Variants in R3HDM2 observed in about 807,000 individuals in gnomAD.
R3HDM2 encodes the protein R3H domain containing 2.
R3HDM2 carries 38 observed loss-of-function variants against 124.5 expected under a neutral mutation model. The observed-to-expected ratio is 0.31, with a 90% CI of 0.24 to 0.40. The LOEUF is 0.40. Among genes scored for constraint, R3HDM2 ranks in the 10% least tolerant of loss-of-function variants. The pLI, the probability that R3HDM2 is intolerant of heterozygous loss-of-function variation, is 1.00. For synonymous variants in R3HDM2, 391 were observed against 448.0 expected, an observed-to-expected ratio of 0.87 and a Z score of 1.61; for missense variants, 869 against 1,236.9, an observed-to-expected ratio of 0.70 and a Z score of 4.46.
intron 1 of R3HDM2, among the ~76,000 whole-genome samples, chr12:57,406,363 A>G (rs1054200534): frequency 2.0e-5 from 3 of 151,942 alleles, no homozygotes; most frequent in Non-Finnish European, 4.4e-5. Flanking sequence ...TAAACACATT[A>G]AATATATTTA....
Position 57,280,346 on chromosome 12 carries a change from G to A in R3HDM2, c.1344+12C>T. 2 of 1,610,478 alleles carry A rather than the reference G, an allele frequency of 1.2e-6. No homozygotes were observed. Among genetic ancestry groups the A allele is most frequent in the East Asian group, 4.5e-5 (2 of 44,832 alleles). On this transcript the variant is annotated intron_variant, in intron 14 of 23. Transcript: ENST00000402412. ...AGAGTGGAGAGGACTCTGACACTGA[G>A]TGGTGACTCACCTGTGAGATCATGT...
At chr12:57,268,080 A>G in intron 18 of R3HDM2, 1 of 372,056 alleles carries the variant, frequency 2.7e-6, no homozygotes, top group Non-Finnish European at 4.7e-6. Context: ...ATCATAAATT[A>G]TAAGTCTCTG....
At chr12:57,379,522 G>A (rs1369681532) in intron 2 of R3HDM2, among the ~76,000 whole-genome samples, 1 of 151,962 alleles carries the variant, frequency 6.6e-6, no homozygotes, top group Non-Finnish European at 1.5e-5. Flanking sequence ...GGAGGTTGTG[G>A]TGAGCTGAGA....
At chr12:57,268,824 T>G in intron 17 of R3HDM2, 98 bp downstream of exon 17, 3 of 1,390,904 alleles carry the variant, frequency 2.2e-6, no homozygotes, top group South Asian at 1.4e-5. Flanking sequence ...TAGACACTAT[T>G]TTAGTATTGG....
At chr12:57,422,093 CAAA>C (rs35439340) in intron 1 of R3HDM2, among the ~76,000 whole-genome samples, 20 of 74,358 alleles carry the variant, frequency 2.7e-4, no homozygotes, top group East Asian at 4.6e-4. Flanking sequence ...CTCCGCCTAG[CAAA>C]AAAAAAAAAA....
At chr12:57,356,584 G>C (rs1166546221) in intron 2 of R3HDM2, among the ~76,000 whole-genome samples, 2 of 152,286 alleles carry the variant, frequency 1.3e-5, no homozygotes, top group South Asian at 2.1e-4. Flanking sequence ...ATCAGAGTAA[G>C]GTTGGGCTCA....
chr12:57,368,086 T>C (rs1392959265), intron 2 of R3HDM2, among the ~76,000 whole-genome samples: 3 of 152,066 alleles, frequency 2.0e-5, no homozygotes, highest in Admixed American at 1.3e-4. Context: ...AGCTCACATA[T>C]GTTGGTAATC....
In R3HDM2 at chr12:57,295,560, A is replaced by T. The variant is rs980996697; in HGVS notation, c.702-53T>A. The T allele has an allele frequency of 6.9e-6, 9 of 1,304,482 alleles. No homozygotes were observed. The South Asian group carries it at 1.1e-4, about 17-fold the overall frequency. The allele number at this position is 1,304,482 out of a possible 1,614,324, so 80.8% of individuals were successfully genotyped here. The stretch of plus-strand genomic sequence containing the variant: ...AAAGGAGGACAAAGACCGTTTTGTT[A>T]GGAAGCAGACCTATTAGGTACAGCT... On this transcript the variant is annotated intron_variant, in intron 9 of 23. Transcript: ENST00000402412.
At chr12:57,355,264 T>G (rs1325720829) in intron 2 of R3HDM2, among the ~76,000 whole-genome samples, 1 of 151,236 alleles carries the variant, frequency 6.6e-6, no homozygotes, top group Non-Finnish European at 1.5e-5. Context: ...GAGACCATCC[T>G]GGCTAACACG....
chr12:57,350,167 G>A (rs927550585), intron 2 of R3HDM2, among the ~76,000 whole-genome samples: 2 of 151,950 alleles, frequency 1.3e-5, no homozygotes, highest in East Asian at 1.9e-4. Context: ...CCGAGATCGC[G>A]CCACTGCACA....
At chr12:57,325,441 C>T (rs2057168933) in intron 2 of R3HDM2, among the ~76,000 whole-genome samples, 1 of 152,190 alleles carries the variant, frequency 6.6e-6, no homozygotes, top group African/African-American at 2.4e-5. Flanking sequence ...AAAGTAAAGG[C>T]TAGCACTCCA....
intron 18 of R3HDM2, 53 bp from the exon 19 acceptor site, chr12:57,266,884 C>A: frequency 1.5e-6 from 2 of 1,298,692 alleles, no homozygotes; most frequent in Non-Finnish European, 1.1e-6. Context: ...ATGAACACAG[C>A]TCCTGGCAAA....
At chr12:57,346,008 A>C (rs553236772) in intron 2 of R3HDM2, among the ~76,000 whole-genome samples, 1 of 152,214 alleles carries the variant, frequency 6.6e-6, no homozygotes, top group South Asian at 2.1e-4. Flanking sequence ...AAAAATACAA[A>C]AATTAGCCGG....
intron 1 of R3HDM2, among the ~76,000 whole-genome samples, chr12:57,418,579 T>G (rs1454544621): frequency 6.6e-6 from 1 of 151,738 alleles, no homozygotes. Flanking sequence ...TTTTTTTTTT[T>G]GTAAATGGAG....
intron 14 of R3HDM2, among the ~76,000 whole-genome samples, chr12:57,275,533 G>C (rs927099782): frequency 5.0e-5 from 7 of 140,444 alleles, no homozygotes; most frequent in African/African-American, 1.8e-4. Context: ...AGAGGAAACA[G>C]ACAAACCACA....
chr12:57,318,564 C>T (rs2055683496), intron 2 of R3HDM2, among the ~76,000 whole-genome samples: 1 of 151,870 alleles, frequency 6.6e-6, no homozygotes, highest in South Asian at 2.1e-4. Context: ...AGAAGAATCG[C>T]TTGAACCTGG....
intron 1 of R3HDM2, among the ~76,000 whole-genome samples, chr12:57,403,271 A>T (rs1168094983): frequency 1.3e-5 from 2 of 152,054 alleles, no homozygotes; most frequent in African/African-American, 4.8e-5. Context: ...AGGTAGGTGG[A>T]TCACGAAGTC....
At chr12:57,341,497 A>G (rs2059558683) in intron 2 of R3HDM2, 6 of 782,052 alleles carry the variant, frequency 7.7e-6, no homozygotes, top group African/African-American at 1.9e-5. Flanking sequence ...CCATCTCTGC[A>G]CTCTTTAGAA....
At chr12:57,370,162 T>TC (rs933748891) in intron 2 of R3HDM2, among the ~76,000 whole-genome samples, 2 of 152,020 alleles carry the variant, frequency 1.3e-5, no homozygotes, top group Admixed American at 6.6e-5. Context: ...CGGGGGCGGT[T>TC]CCCCCCGCTG....
Sources: gnomAD v4.1 joint callset for allele counts (sites outside exome capture counted in the v4.1 genomes callset) on GRCh38, gnomAD v4.1.1 for gene constraint, MANE v1.5 for transcripts, NCBI Gene and HGNC (gene_info 2026-07-23, HGNC 2026-07-21) for gene names.